The following PDZD2 variants were observed in gnomAD, a reference collection of about 807,000 sequenced individuals.
The protein encoded by PDZD2 is PDZ domain-containing protein 2.
A neutral mutation model predicts 220.7 loss-of-function variants in PDZD2; 90 were observed. The ratio of observed to expected loss-of-function variants is 0.41; its 90% CI spans 0.34 to 0.49. The LOEUF (loss-of-function observed/expected upper bound fraction) is 0.49, where lower values mean the gene tolerates loss of function less well. PDZD2 is among the 20% of genes least tolerant of loss of function. PDZD2 has a pLI of 0.28. For synonymous variants in PDZD2, 1,375 were observed against 1,450.5 expected, an observed-to-expected ratio of 0.95 and a Z score of 1.18; for missense variants, 3,174 against 3,608.5, an observed-to-expected ratio of 0.88 and a Z score of 3.08.
At chr5:32,075,107 C>T (rs1250682599) in intron 18 of PDZD2, among the ~76,000 whole-genome samples, 1 of 152,156 alleles carries the variant, frequency 6.6e-6, no homozygotes, top group East Asian at 1.9e-4. Context: ...CCACCGCACC[C>T]AGCCTAGGGA....
intron 14 of PDZD2, among the ~76,000 whole-genome samples, chr5:32,068,265 C>G (rs893486157): frequency 6.6e-6 from 1 of 152,100 alleles, no homozygotes; most frequent in East Asian, 1.9e-4. Context: ...AAGGAAGATT[C>G]GGGAGCTGTT....
chr5:31,915,409 GTCTCCTC>G (rs1252980372), intron 2 of PDZD2, among the ~76,000 whole-genome samples: 1 of 152,126 alleles, frequency 6.6e-6, no homozygotes, highest in Non-Finnish European at 1.5e-5. Flanking sequence ...GAGGCCAGGA[GTCTCCTC>G]TATTCCTTGC....
At chr5:31,965,320 G>C (rs1051566283) in intron 2 of PDZD2, among the ~76,000 whole-genome samples, 34 of 152,176 alleles carry the variant, frequency 2.2e-4, no homozygotes, top group African/African-American at 8.2e-4. Context: ...ATTTGCATAG[G>C]GCACAGGGGA....
At chr5:31,821,718 G>A (rs963544570) in intron 2 of PDZD2, among the ~76,000 whole-genome samples, 2 of 152,068 alleles carry the variant, frequency 1.3e-5, no homozygotes, top group Admixed American at 1.3e-4. Context: ...TGGGATATGG[G>A]TGCAGAATGT....
At chr5:31,806,216 G>A (rs1207031502) in intron 2 of PDZD2, among the ~76,000 whole-genome samples, 1 of 152,180 alleles carries the variant, frequency 6.6e-6, no homozygotes, top group Admixed American at 6.5e-5. Flanking sequence ...CCATGTGTGT[G>A]TTAACTGTGA....
chr5:31,888,548 C>T (rs144930274), intron 2 of PDZD2, among the ~76,000 whole-genome samples: 13 of 152,232 alleles, frequency 8.5e-5, no homozygotes, highest in African/African-American at 3.1e-4. Context: ...CTACGTACTC[C>T]GATTTGTGAG....
intron 2 of PDZD2, among the ~76,000 whole-genome samples, chr5:31,806,344 G>A (rs987414321): frequency 6.6e-6 from 1 of 152,176 alleles, no homozygotes; most frequent in African/African-American, 2.4e-5. Flanking sequence ...AAGGCCATGG[G>A]TTTGACAGAA....
chr5:32,074,936 G>A (rs1041314699), intron 18 of PDZD2, among the ~76,000 whole-genome samples: 3 of 151,924 alleles, frequency 2.0e-5, no homozygotes, highest in African/African-American at 7.3e-5. Flanking sequence ...TCAGCCTCCC[G>A]AGGAGCTGGG....
In PDZD2 at chr5:31,891,127, C is replaced by CATTTTTTTTTTTTT. The variant is rs1561545899; in HGVS notation, c.476+91403_476+91404insATTTTTTTTTTTTT. ...TGTAAGCAAAGCTCAGGGGTTTTTC[C>CATTTTTTTTTTTTT]TTTTTTTTTTTTTTTTTTTTTTTTT... On this transcript the variant is annotated intron_variant, in intron 2 of 24. Transcript: ENST00000438447. 3.1e-5 allele frequency among the ~76,000 whole-genome samples: 3 copies of CATTTTTTTTTTTTT among 96,420 alleles called. 1 individual carries two copies. The highest frequency in any genetic ancestry group is 3.9e-5 in the Non-Finnish European group (2 of 51,630). 63.3% of individuals were successfully genotyped at this position (96,420 alleles called of 152,430 possible).
chr5:31,803,345 C>T (rs980972591), intron 2 of PDZD2, among the ~76,000 whole-genome samples: 4 of 146,134 alleles, frequency 2.7e-5, no homozygotes, highest in Non-Finnish European at 5.9e-5. Context: ...TCAAGTGATC[C>T]TCCCACCTCA....
At chr5:32,027,177 T>C (rs1754735458) in intron 6 of PDZD2, among the ~76,000 whole-genome samples, 2 of 152,166 alleles carry the variant, frequency 1.3e-5, no homozygotes, top group Non-Finnish European at 2.9e-5. Context: ...GTGCTGGAAT[T>C]ACAGGCGTGA....
intron 2 of PDZD2, among the ~76,000 whole-genome samples, chr5:31,904,619 C>T (rs1288584821): frequency 2.0e-5 from 3 of 152,226 alleles, no homozygotes; most frequent in Middle Eastern, 6.8e-3. Context: ...GCTCCGCCTC[C>T]TGGGTTCACA....
At chr5:31,693,090 G>T (rs1439922757) in intron 1 of PDZD2, 1 of 104,174 alleles carries the variant, frequency 9.6e-6, no homozygotes, top group East Asian at 3.3e-4. Flanking sequence ...GCCTGGCAGG[G>T]GCCTGCTGCG....
chr5:31,718,266 A>C (rs1262432255), intron 1 of PDZD2, among the ~76,000 whole-genome samples: 1 of 152,172 alleles, frequency 6.6e-6, no homozygotes, highest in Non-Finnish European at 1.5e-5. Context: ...TTGATCTTCC[A>C]TCTTCCCAGC....
chr5:31,880,838 G>A (rs1739824867), intron 2 of PDZD2, among the ~76,000 whole-genome samples: 1 of 101,558 alleles, frequency 9.8e-6, no homozygotes, highest in Non-Finnish European at 1.8e-5. Flanking sequence ...TCTCGCTCTT[G>A]TCACCCAGGC....
At chr5:31,738,096 A>G (rs1198970759) in intron 1 of PDZD2, among the ~76,000 whole-genome samples, 1 of 152,178 alleles carries the variant, frequency 6.6e-6, no homozygotes, top group Non-Finnish European at 1.5e-5. Flanking sequence ...TGAAATCTAC[A>G]ATGTATTCAG....
intron 1 of PDZD2, among the ~76,000 whole-genome samples, chr5:31,780,298 G>A (rs148940393): frequency 4.6e-4 from 54 of 118,530 alleles, no homozygotes; most frequent in Admixed American, 9.1e-4. Context: ...GGGATTCTGC[G>A]CCTTAAGGAT....
At chr5:31,816,089 C>G (rs539178761) in intron 2 of PDZD2, among the ~76,000 whole-genome samples, 16 of 152,036 alleles carry the variant, frequency 1.1e-4, no homozygotes, top group Admixed American at 6.5e-4. Flanking sequence ...GAGATCAAGA[C>G]CATCCTGGCT....
intron 2 of PDZD2, among the ~76,000 whole-genome samples, chr5:31,924,591 T>C (rs539774466): frequency 6.6e-6 from 1 of 152,292 alleles, no homozygotes; most frequent in African/African-American, 2.4e-5. Context: ...TGGGAATCTT[T>C]TCATCTGGAT....
Sources: allele counts gnomAD v4.1 joint callset (sites outside exome capture counted in the v4.1 genomes callset), GRCh38; gene constraint gnomAD v4.1.1; transcripts MANE v1.5; gene names NCBI Gene and HGNC (gene_info 2026-07-23, HGNC 2026-07-21).